The following FER variants were observed in gnomAD, a reference collection of about 807,000 sequenced individuals.
FER encodes the protein FER tyrosine kinase, also known as tyrosine-protein kinase Fer.
Under a neutral mutation model 111.0 loss-of-function variants are expected in FER, and 63 were observed. The ratio of observed to expected loss-of-function variants is 0.57; its 90% CI spans 0.46 to 0.70. FER has a LOEUF of 0.70. FER is among the 30% of genes least tolerant of loss of function. The probability of loss-of-function intolerance (pLI) is 0.00; values close to 1 mark genes in which losing one functional copy is unlikely to be tolerated. For missense variants in FER, 914 were observed against 954.0 expected, an observed-to-expected ratio of 0.96 and a Z score of 0.55; for synonymous variants, 327 against 313.9, an observed-to-expected ratio of 1.04 and a Z score of -0.44.
intron 2 of FER, among the ~76,000 whole-genome samples, chr5:108,769,500 C>G (rs1266657085): frequency 6.6e-6 from 1 of 152,086 alleles, no homozygotes; most frequent in Non-Finnish European, 1.5e-5. Context: ...CATTTTATAT[C>G]ATTTTAACTG....
intron 10 of FER, among the ~76,000 whole-genome samples, chr5:108,934,076 T>C (rs747959936): frequency 4.6e-5 from 7 of 152,184 alleles, no homozygotes; most frequent in Non-Finnish European, 1.0e-4. Context: ...CTTGCCTGAT[T>C]GCCCTGGCGA....
intron 5 of FER, among the ~76,000 whole-genome samples, chr5:108,844,597 T>A (rs1761688164): frequency 6.6e-6 from 1 of 152,158 alleles, no homozygotes; most frequent in Non-Finnish European, 1.5e-5. Flanking sequence ...ATAATGAACA[T>A]GTCTTTCACC....
In FER at chr5:109,091,153, A is replaced by G. The variant is rs146024708; in HGVS notation, c.1925-9243A>G. The stretch of plus-strand genomic sequence containing the variant: ...AAGACAGAGGCTATTCATCAAAACA[A>G]TGCATTTTGGAGATCTTAGAGGCTG... On this transcript the variant is annotated intron_variant, in intron 16 of 19. Coordinates refer to ENST00000281092, the MANE Select transcript of FER (RefSeq NM_005246.4). Among the ~76,000 whole-genome samples the G allele has an allele frequency of 1.8e-3, 276 of 152,330 alleles. 1 individual carries two copies. The highest frequency in any genetic ancestry group is 6.1e-3 in the African/African-American group (254 of 41,582).
At chr5:108,850,600 G>C (rs945977970) in intron 5 of FER, among the ~76,000 whole-genome samples, 1 of 151,644 alleles carries the variant, frequency 6.6e-6, no homozygotes, top group African/African-American at 2.4e-5. Context: ...AATACTATTT[G>C]TTTTTCTATT....
intron 17 of FER, among the ~76,000 whole-genome samples, chr5:109,176,015 C>T (rs1026377436): frequency 1.3e-5 from 2 of 152,048 alleles, no homozygotes; most frequent in Non-Finnish European, 2.9e-5. Flanking sequence ...ATAACAAATG[C>T]TGGCAAGGAT....
chr5:109,149,793 A>G (rs1754620570), intron 17 of FER, among the ~76,000 whole-genome samples: 1 of 152,164 alleles, frequency 6.6e-6, no homozygotes, highest in Admixed American at 6.5e-5. Flanking sequence ...CATGAATTGA[A>G]AAAGTTCCGT....
intron 17 of FER, among the ~76,000 whole-genome samples, chr5:109,162,362 T>G (rs939253042): frequency 2.6e-5 from 4 of 152,126 alleles, no homozygotes; most frequent in Non-Finnish European, 5.9e-5. Flanking sequence ...TGGGATAATA[T>G]CTTAAAATAC....
At chr5:108,879,680 ATT>A (rs1400001073) in intron 8 of FER, among the ~76,000 whole-genome samples, 1 of 128,116 alleles carries the variant, frequency 7.8e-6, no homozygotes, top group Non-Finnish European at 1.6e-5. Context: ...CACCATATGT[ATT>A]TTTTTTAGAT....
rs1384237127 is a variant in FER at position 109,195,281 on chromosome 5, T to TC, written c.*7709dup. ...GACTATAAGATGCTATGGAGGTCTA[T>TC]CCCATGCCATGCCAATGTGAATTGC... On this transcript the variant is annotated 3_prime_UTR_variant, in exon 20 of 20. Coordinates refer to ENST00000281092, the MANE Select transcript of FER (RefSeq NM_005246.4). 6.6e-6 allele frequency: 1 copy of TC among 152,150 alleles called. No homozygotes were observed. Among genetic ancestry groups the TC allele is most frequent in the African/African-American group, 2.4e-5 (1 of 41,424 alleles). The allele number at this position is 152,150 out of a possible 1,614,324, so 9.4% of individuals were successfully genotyped here.
chr5:108,908,596 T>C (rs1436883691), intron 10 of FER, among the ~76,000 whole-genome samples: 1 of 152,156 alleles, frequency 6.6e-6, no homozygotes, highest in African/African-American at 2.4e-5. Flanking sequence ...AACTGTGTAG[T>C]ATTTGTTTTA....
chr5:108,935,567 C>G (rs1041973089), intron 10 of FER, among the ~76,000 whole-genome samples: 5 of 152,056 alleles, frequency 3.3e-5, no homozygotes, highest in Non-Finnish European at 7.4e-5. Flanking sequence ...TAGTCACCAT[C>G]CAACCCACCT....
chr5:109,184,282 G>T (rs1184633322), intron 18 of FER, among the ~76,000 whole-genome samples: 1 of 152,122 alleles, frequency 6.6e-6, no homozygotes, highest in Non-Finnish European at 1.5e-5. Context: ...TAGTGAGCAG[G>T]TTTCCCATGC....
intron 11 of FER, among the ~76,000 whole-genome samples, chr5:108,951,083 A>G (rs1757671759): frequency 6.6e-6 from 1 of 152,096 alleles, no homozygotes; most frequent in Admixed American, 6.6e-5. Flanking sequence ...ACACTGGCCA[A>G]CATGGTGAAA....
intron 10 of FER, among the ~76,000 whole-genome samples, chr5:108,937,242 T>G (rs1172797727): frequency 6.6e-6 from 1 of 152,010 alleles, no homozygotes; most frequent in Non-Finnish European, 1.5e-5. Flanking sequence ...TGTGAGTGTG[T>G]GCTTGGGCCT....
intron 1 of FER, among the ~76,000 whole-genome samples, chr5:108,764,081 A>G (rs562230009): frequency 2.0e-4 from 31 of 152,136 alleles, no homozygotes; most frequent in Non-Finnish European, 4.0e-4. Context: ...GACCCAGGTT[A>G]TGTTCCTACC....
chr5:108,858,687 T>C lies in FER; in HGVS notation c.482-9080T>C, dbSNP rs374751640. ...TTTCTTACACAAAACTACGATTATATAATATTCTTTTTCCTTTGCTTCTCC... is the reference window on the plus strand; with the variant it reads ...TTTCTTACACAAAACTACGATTATACAATATTCTTTTTCCTTTGCTTCTCC... On this transcript the variant is annotated intron_variant, in intron 5 of 19. Coordinates refer to ENST00000281092, the MANE Select transcript of FER (RefSeq NM_005246.4). 2.6e-5 allele frequency among the ~76,000 whole-genome samples: 4 copies of C among 152,146 alleles called. No individual in the cohort carries two copies. In the East Asian group the frequency reaches 7.7e-4, roughly 29 times the overall value.
At chr5:108,980,359 G>A (rs1478674301) in intron 13 of FER, among the ~76,000 whole-genome samples, 1 of 152,052 alleles carries the variant, frequency 6.6e-6, no homozygotes, top group Non-Finnish European at 1.5e-5. Flanking sequence ...AGGCCATAGA[G>A]AAGAGTAAAG....
At chr5:109,022,289 A>C (rs1351070479) in intron 13 of FER, among the ~76,000 whole-genome samples, 1 of 152,026 alleles carries the variant, frequency 6.6e-6, no homozygotes, top group Non-Finnish European at 1.5e-5. Flanking sequence ...TGGCCAATAT[A>C]TTTGAGGAAC....
chr5:109,072,431 CATTA>C (rs923142232), intron 16 of FER, among the ~76,000 whole-genome samples: 1 of 151,306 alleles, frequency 6.6e-6, no homozygotes, highest in African/African-American at 2.4e-5. Context: ...TTTTCAGAGT[CATTA>C]ATCCCTCTGG....
Sources: allele counts gnomAD v4.1 joint callset (sites outside exome capture counted in the v4.1 genomes callset), GRCh38; gene constraint gnomAD v4.1.1; transcripts MANE v1.5; gene names NCBI Gene and HGNC (gene_info 2026-07-23, HGNC 2026-07-21).